GSE1: variants seen among roughly 807,000 people sequenced by gnomAD.
The protein encoded by GSE1 is genetic suppressor element 1.
GSE1 carries 32 observed loss-of-function variants against 112.6 expected under a neutral mutation model. The ratio of observed to expected loss-of-function variants is 0.28; its 90% CI spans 0.21 to 0.38. GSE1 has a LOEUF of 0.38. GSE1 is among the 10% of genes least tolerant of loss of function. The pLI is 1.00. For synonymous variants in GSE1, 1,115 were observed against 735.6 expected (o/e 1.52, Z -8.35); for missense variants, 2,348 against 1,699.2 (o/e 1.38, Z -6.71).
intron 1 of GSE1, among the ~76,000 whole-genome samples, chr16:85,323,179 G>C (rs1226817771): frequency 3.3e-5 from 5 of 152,194 alleles, no homozygotes; most frequent in Non-Finnish European, 7.3e-5. Flanking sequence ...CCTGGAACTT[G>C]AAGGGCTGCA....
Position 85,560,180 on chromosome 16 carries a change from G to T in GSE1, c.37+3817G>T, listed in dbSNP as rs186909055. 3.0e-3 allele frequency among the ~76,000 whole-genome samples: 387 copies of T among 127,182 alleles called. 3 individuals carry two copies. The highest frequency in any genetic ancestry group is 9.7e-3 in the Middle Eastern group (2 of 206). 83.4% of individuals were successfully genotyped at this position (127,182 alleles called of 152,430 possible). A position where few individuals can be genotyped will look rare whatever the true frequency, so the allele number is the denominator to read the frequency against. ...GAGACGGAGTCTCTCTCTCTTGCCA[G>T]GCTCGAGTGCAATGGCGAGATTTCG... On this transcript the variant is annotated intron_variant, in intron 1 of 2. Transcript: ENST00000635906.
chr16:85,300,761 G>A (rs541500349), intron 1 of GSE1, among the ~76,000 whole-genome samples: 45 of 152,272 alleles, frequency 3.0e-4, no homozygotes, highest in African/African-American at 1.0e-3. Flanking sequence ...TCCGCTTCCA[G>A]TCTCACGCTG....
At chr16:85,271,270 G>A (rs1478158015) in intron 1 of GSE1, among the ~76,000 whole-genome samples, 1 of 152,116 alleles carries the variant, frequency 6.6e-6, no homozygotes, top group African/African-American at 2.4e-5. Flanking sequence ...AGGGTGACTG[G>A]CTGAAGCCCA....
At chr16:85,249,316 G>T (rs12444425) in intron 1 of GSE1, among the ~76,000 whole-genome samples, 1 of 152,358 alleles carries the variant, frequency 6.6e-6, no homozygotes, top group Non-Finnish European at 1.5e-5. Flanking sequence ...GGATAGCGGG[G>T]ACCCCTCGCA....
intron 1 of GSE1, among the ~76,000 whole-genome samples, chr16:85,631,210 G>A (rs777035837): frequency 1.8e-4 from 27 of 152,332 alleles, no homozygotes; most frequent in Admixed American, 8.5e-4. Flanking sequence ...CAGCCTACTC[G>A]GTGTGGTGCT....
chr16:85,365,252 G>T (rs769509372), intron 2 of GSE1, among the ~76,000 whole-genome samples: 1 of 152,162 alleles, frequency 6.6e-6, no homozygotes, highest in Admixed American at 6.5e-5. Context: ...AGATCACGGC[G>T]TCCTGGTCTC....
chr16:85,613,000 G>A (rs1051397992), upstream of GSE1, among the ~76,000 whole-genome samples: 1 of 152,202 alleles, frequency 6.6e-6, no homozygotes, highest in African/African-American at 2.4e-5. Context: ...AGAGTGTGGG[G>A]GTGGCACCTC....
intron 2 of GSE1, among the ~76,000 whole-genome samples, chr16:85,389,293 C>G (rs1255710424): frequency 6.6e-6 from 1 of 152,078 alleles, no homozygotes; most frequent in African/African-American, 2.4e-5. Flanking sequence ...AACCCCGTCT[C>G]TACTAAAAAT....
At chr16:85,349,152 C>T (rs2046803195) in intron 1 of GSE1, among the ~76,000 whole-genome samples, 1 of 152,190 alleles carries the variant, frequency 6.6e-6, no homozygotes, top group Non-Finnish European at 1.5e-5. Flanking sequence ...CGGTCGCCAG[C>T]GCACATTTAA....
At chr16:85,350,712 T>G (rs943779832) in intron 1 of GSE1, among the ~76,000 whole-genome samples, 1 of 152,242 alleles carries the variant, frequency 6.6e-6, no homozygotes, top group African/African-American at 2.4e-5. Context: ...ATGTTCCAAG[T>G]GCCTTAGCAG....
At chr16:85,491,004 C>A (rs748599988) in intron 2 of GSE1, among the ~76,000 whole-genome samples, 1 of 152,144 alleles carries the variant, frequency 6.6e-6, no homozygotes, top group Non-Finnish European at 1.5e-5. Flanking sequence ...GACTCCACAC[C>A]CCGATCTCTC....
At chr16:85,184,253 C>G (rs1321194563) in intron 1 of GSE1, among the ~76,000 whole-genome samples, 1 of 152,182 alleles carries the variant, frequency 6.6e-6, no homozygotes, top group Non-Finnish European at 1.5e-5. Flanking sequence ...GGTTTATTAC[C>G]TTGTCTCAGA....
intron 1 of GSE1, among the ~76,000 whole-genome samples, chr16:85,266,051 T>C (rs1435204018): frequency 1.3e-5 from 2 of 152,198 alleles, no homozygotes; most frequent in African/African-American, 4.8e-5. Context: ...CGCTGGGCTC[T>C]GGAGTGAGGA....
intron 2 of GSE1, among the ~76,000 whole-genome samples, chr16:85,443,218 C>T (rs1172225724): frequency 6.6e-6 from 1 of 152,226 alleles, no homozygotes; most frequent in African/African-American, 2.4e-5. Context: ...GTGCTGCTGC[C>T]TGCTCCGTGA....
chr16:85,558,380 T>C lies in GSE1; in HGVS notation c.37+2017T>C, dbSNP rs561408299. Among the ~76,000 whole-genome samples the C allele has an allele frequency of 5.3e-5, 8 of 152,144 alleles. No homozygotes were observed. In the East Asian group the frequency reaches 1.5e-3, roughly 29 times the overall value. On this transcript the variant is annotated intron_variant, in intron 1 of 2. Coordinates refer to the GSE1 transcript ENST00000635906. ...TGAATCTTCTTAAGTACAGGGCGTC[T>C]TCAAAGCACAGGTGTTTGTAATCTA...
intron 1 of GSE1, chr16:85,580,349 TC>T (rs1306135355): frequency 5.9e-5 from 9 of 151,918 alleles, no homozygotes; most frequent in Non-Finnish European, 1.5e-5. Context: ...GGAGGGCCCT[TC>T]CTGGAGAAGC....
At chr16:85,644,622 G>C (rs2050704539) in intron 2 of GSE1, among the ~76,000 whole-genome samples, 1 of 152,320 alleles carries the variant, frequency 6.6e-6, no homozygotes, top group African/African-American at 2.4e-5. Flanking sequence ...CCCTTCTTTA[G>C]AGACGGAGAG....
chr16:85,211,154 G>C (rs1031924111), intron 1 of GSE1, among the ~76,000 whole-genome samples: 3 of 152,168 alleles, frequency 2.0e-5, no homozygotes, highest in African/African-American at 7.2e-5. Flanking sequence ...CCCTCCATTA[G>C]GTTTGGATCC....
At chr16:85,286,894 C>T (rs867359036) in intron 1 of GSE1, among the ~76,000 whole-genome samples, 3 of 152,156 alleles carry the variant, frequency 2.0e-5, no homozygotes, top group South Asian at 2.1e-4. Context: ...GTATGGGCTC[C>T]GTGGGCTAGG....
Sources: allele counts gnomAD v4.1 joint callset (sites outside exome capture counted in the v4.1 genomes callset), GRCh38; gene constraint gnomAD v4.1.1; transcripts MANE v1.5; gene names NCBI Gene and HGNC (gene_info 2026-07-23, HGNC 2026-07-21).